The following CDH18 variants were observed in gnomAD, a reference collection of about 807,000 sequenced individuals.
The protein encoded by CDH18 is cadherin 18.
CDH18 carries 31 observed loss-of-function variants against 67.9 expected under a neutral mutation model. That is an observed-to-expected ratio of 0.46 (90% CI 0.34 to 0.62). The LOEUF (loss-of-function observed/expected upper bound fraction) is 0.62. CDH18 is among the 20% of genes least tolerant of loss of function. The pLI is 0.01. For missense variants in CDH18, 890 were observed against 975.5 expected (o/e 0.91, Z 1.17); for synonymous variants, 362 against 347.2 (o/e 1.04, Z -0.48).
intron 2 of CDH18, among the ~76,000 whole-genome samples, chr5:20,060,135 T>C (rs190517917): frequency 1.3e-5 from 2 of 152,176 alleles, no homozygotes; most frequent in East Asian, 3.9e-4. Context: ...AAAAAAAACT[T>C]ATTAGAACTC....
chr5:19,733,407 C>T (rs1423161828), intron 4 of CDH18, among the ~76,000 whole-genome samples: 1 of 152,156 alleles, frequency 6.6e-6, no homozygotes, highest in East Asian at 1.9e-4. Flanking sequence ...ATAAAAGCTG[C>T]AGACTCAGCC....
At chr5:20,172,190 G>GTATATATATATATATATATA in intron 2 of CDH18, among the ~76,000 whole-genome samples, 31 of 23,312 alleles carry the variant, frequency 1.3e-3, no homozygotes, top group Non-Finnish European at 1.9e-3. Context: ...AGCATTGTGT[G>GTATATATATATATATATATA]TATATATATA....
In CDH18 at chr5:19,748,132, A is replaced by AAAAAAAAAAAAAAAAAAAAAAAT. The variant is rs1561215815; in HGVS notation, c.229-897_229-896insATTTTTTTTTTTTTTTTTTTTTT. On this transcript the variant is annotated intron_variant, in intron 3 of 12. Coordinates refer to ENST00000382275, the MANE Select transcript of CDH18 (RefSeq NM_004934.5). ...CATCTCAAAAAAAAAAAAAAAAAAA[A>AAAAAAAAAAAAAAAAAAAAAAAT]AGAGTACTTTTTTAGGGATAGAGTA... 2.8e-5 allele frequency among the ~76,000 whole-genome samples: 4 copies of AAAAAAAAAAAAAAAAAAAAAAAT among 144,332 alleles called. 2 individuals carry two copies. The highest frequency in any genetic ancestry group is 6.1e-5 in the Non-Finnish European group (4 of 65,876). The allele number at this position is 144,332 out of a possible 152,430, so 94.7% of individuals were successfully genotyped here.
At chr5:20,125,293 T>TGC (rs1231137915) in intron 2 of CDH18, among the ~76,000 whole-genome samples, 14 of 151,620 alleles carry the variant, frequency 9.2e-5, no homozygotes, top group Middle Eastern at 3.4e-3. Context: ...TTCGTGTGTG[T>TGC]GTGTGTGTAT....
At chr5:19,842,931 G>A (rs1021342468) in intron 2 of CDH18, among the ~76,000 whole-genome samples, 3 of 152,128 alleles carry the variant, frequency 2.0e-5, no homozygotes, top group East Asian at 3.9e-4. Flanking sequence ...CATTTTGTCC[G>A]TGTACTAGAG....
At chr5:19,559,054 C>T (rs1368941379) in intron 8 of CDH18, among the ~76,000 whole-genome samples, 1 of 152,058 alleles carries the variant, frequency 6.6e-6, no homozygotes, top group Non-Finnish European at 1.5e-5. Flanking sequence ...TGTTGCATTT[C>T]TAATTGAGCT....
chr5:19,569,441 T>C (rs144641762), intron 8 of CDH18, among the ~76,000 whole-genome samples: 1 of 152,330 alleles, frequency 6.6e-6, no homozygotes, highest in Non-Finnish European at 1.5e-5. Context: ...ATTGTACATG[T>C]CAACTTGGCT....
chr5:19,927,601 A>G (rs1579637400), intron 2 of CDH18, among the ~76,000 whole-genome samples: 1 of 152,188 alleles, frequency 6.6e-6, no homozygotes, highest in African/African-American at 2.4e-5. Flanking sequence ...ATAAATTATT[A>G]TGATGTATAT....
intron 2 of CDH18, among the ~76,000 whole-genome samples, chr5:20,241,687 TAAAAATACA>T (rs1443055526): frequency 2.6e-5 from 4 of 151,354 alleles, no homozygotes; most frequent in Non-Finnish European, 4.4e-5. Flanking sequence ...CCATCTCTAC[TAAAAATACA>T]AAAAATTAGC....
At chr5:20,106,546 A>G (rs1746954975) in intron 2 of CDH18, among the ~76,000 whole-genome samples, 1 of 152,132 alleles carries the variant, frequency 6.6e-6, no homozygotes, top group African/African-American at 2.4e-5. Context: ...ATCAATTTTC[A>G]TGTCTTAATT....
intron 1 of CDH18, among the ~76,000 whole-genome samples, chr5:20,526,364 G>C (rs1031361297): frequency 1.3e-5 from 2 of 152,076 alleles, no homozygotes; most frequent in Non-Finnish European, 2.9e-5. Flanking sequence ...AGACATTCCA[G>C]ACCAGAGGGA....
intron 1 of CDH18, among the ~76,000 whole-genome samples, chr5:20,488,670 G>GTT (rs199549514): frequency 0.065 from 4,804 of 74,030 alleles, 113 homozygotes; most frequent in Middle Eastern, 0.092. Context: ...GAGGGGTAGT[G>GTT]TTTTATATAT....
intron 1 of CDH18, among the ~76,000 whole-genome samples, chr5:20,441,749 G>A (rs1041813007): frequency 3.3e-5 from 5 of 151,216 alleles, no homozygotes; most frequent in African/African-American, 9.8e-5. Context: ...ACTACATATT[G>A]TAAATGAGAA....
At chr5:19,693,783 C>T (rs998266800) in intron 5 of CDH18, among the ~76,000 whole-genome samples, 7 of 151,898 alleles carry the variant, frequency 4.6e-5, no homozygotes, top group Non-Finnish European at 1.0e-4. Flanking sequence ...GTAATCCCAG[C>T]TACTCGGGAG....
intron 2 of CDH18, among the ~76,000 whole-genome samples, chr5:20,161,395 A>G (rs1410395816): frequency 6.6e-6 from 1 of 152,172 alleles, no homozygotes; most frequent in Admixed American, 6.5e-5. Context: ...TTCATGTCTT[A>G]GTGCTCACCA....
At chr5:20,549,952 A>G (rs1394449865) in intron 1 of CDH18, among the ~76,000 whole-genome samples, 2 of 152,200 alleles carry the variant, frequency 1.3e-5, no homozygotes, top group Non-Finnish European at 2.9e-5. Context: ...GACCTTTTTG[A>G]GTGGATCTTT....
chr5:19,604,697 C>G (rs1747751111), intron 6 of CDH18, among the ~76,000 whole-genome samples: 1 of 152,002 alleles, frequency 6.6e-6, no homozygotes, highest in South Asian at 2.1e-4. Context: ...TTAAGTACTA[C>G]TGCCATTTGA....
intron 2 of CDH18, among the ~76,000 whole-genome samples, chr5:20,195,780 T>C (rs1738925213): frequency 6.6e-6 from 1 of 152,096 alleles, no homozygotes; most frequent in Admixed American, 6.6e-5. Flanking sequence ...TCTCAAGGGA[T>C]TTGTATACAA....
At chr5:20,195,022 T>C (rs569681871) in intron 2 of CDH18, among the ~76,000 whole-genome samples, 13 of 152,218 alleles carry the variant, frequency 8.5e-5, no homozygotes, top group African/African-American at 2.9e-4. Flanking sequence ...TAAACCACTA[T>C]ATTTTATAAT....
Sources: gnomAD v4.1 joint callset for allele counts (sites outside exome capture counted in the v4.1 genomes callset) on GRCh38, gnomAD v4.1.1 for gene constraint, MANE v1.5 for transcripts, NCBI Gene and HGNC (gene_info 2026-07-23, HGNC 2026-07-21) for gene names.